The following RNF166 variants were observed in gnomAD, a reference collection of about 807,000 sequenced individuals.
RNF166 encodes the protein E3 ubiquitin-protein ligase RNF166.
A neutral mutation model predicts 29.4 loss-of-function variants in RNF166; 19 were observed. That is an observed-to-expected ratio of 0.65 (90% CI 0.45 to 0.95). RNF166 has a LOEUF of 0.95. Ranked by LOEUF, RNF166 falls within the 40% of genes least tolerant of loss-of-function variation. The pLI, the probability that RNF166 is intolerant of heterozygous loss-of-function variation, is 0.00. For synonymous variants in RNF166, 171 were observed against 134.5 expected, an observed-to-expected ratio of 1.27 and a Z score of -1.88; for missense variants, 347 against 322.1, an observed-to-expected ratio of 1.08 and a Z score of -0.59.
At chr16:88,703,363 C>G in intron 1 of RNF166, 1 of 985,430 alleles carries the variant, frequency 1.0e-6, no homozygotes, top group Non-Finnish European at 1.2e-6. Context: ...CGGCCACGGG[C>G]TGAGGGGAAG....
At chr16:88,700,717 G>C in intron 2 of RNF166, 2 of 987,680 alleles carry the variant, frequency 2.0e-6, no homozygotes, top group Non-Finnish European at 2.4e-6. Context: ...CACGGGGCAC[G>C]GGCCAGGCAC....
chr16:88,702,663 T>TG, intron 1 of RNF166: 1 of 980,872 alleles, frequency 1.0e-6, no homozygotes. Context: ...ACCTGGCTGG[T>TG]GGCTCCCACA....
intron 2 of RNF166, chr16:88,700,617 C>T: frequency 1.1e-5 from 11 of 986,044 alleles, no homozygotes; most frequent in Non-Finnish European, 1.2e-5. Context: ...TGCAAAATCA[C>T]CTCTAGCTGC....
chr16:88,697,427 GC>G lies in RNF166; in HGVS notation c.*140del, dbSNP rs1909737664. ...GCCCGTATTCAGGCCCGGAGGCTCG[GC>G]CCCGGCTCCCCTTCTGCGCGGGTGC... On this transcript the variant is annotated 3_prime_UTR_variant, in exon 6 of 6. Transcript: ENST00000312838. 5 of 627,768 alleles carry G rather than the reference GC, an allele frequency of 8.0e-6. No homozygotes were observed. In the Admixed American group the frequency reaches 8.4e-5, roughly 11 times the overall value. The allele number at this position is 627,768 out of a possible 1,614,324, so 38.9% of individuals were successfully genotyped here.
chr16:88,698,990 C>T lies in RNF166; in HGVS notation c.521G>A (p.Arg174His), dbSNP rs377640480. ...GCTCACCACGCGGTTGGGGTCGCTG[C>T]GGTGGCTTTCCACACAGTGCTTCAC... ...ELVKHCVESH[R>H]SDPNRVVCPI... Residue 174 changes from arginine to histidine, a missense_variant, in exon 4 of 6, where the codon CGC (arginine) becomes CAC (histidine). Coordinates refer to ENST00000312838, the MANE Select transcript of RNF166 (RefSeq NM_178841.4). 3.5e-5 allele frequency: 56 copies of T among 1,601,318 alleles called. No individual in the cohort carries two copies. In the Admixed American group the frequency reaches 4.5e-4, roughly 13 times the overall value.
intron 4 of RNF166, 70 bp downstream of exon 4, chr16:88,698,891 GCGAGCAGGCT>G (rs1178344521): frequency 6.8e-6 from 8 of 1,171,870 alleles, no homozygotes; most frequent in Non-Finnish European, 8.6e-6. Flanking sequence ...CGGACTCGCC[GCGAGCAGGCT>G]CCTGGGCCTT....
intron 1 of RNF166, chr16:88,704,232 A>G (rs993752471): frequency 4.1e-6 from 4 of 985,480 alleles, no homozygotes; most frequent in East Asian, 1.1e-4. Flanking sequence ...ATTTGCATGC[A>G]TGCCTTAGCA....
chr16:88,703,191 G>A (rs1011375025), intron 1 of RNF166: 13 of 980,090 alleles, frequency 1.3e-5, no homozygotes, highest in Non-Finnish European at 1.6e-5. Flanking sequence ...GTGGGTGCCA[G>A]GCGAGGGGGA....
chr16:88,702,109 C>T lies in RNF166; in HGVS notation c.156-691G>A, dbSNP rs192370900. ...AGACTGAGCGTCCCACAGCCCCGTG[C>T]GCACTCCGGGCTCCAGCAGCAGGGG... On this transcript the variant is annotated intron_variant, in intron 1 of 5. Coordinates refer to ENST00000312838, the MANE Select transcript of RNF166 (RefSeq NM_178841.4). Among the ~76,000 whole-genome samples the T allele has an allele frequency of 6.1e-4, 87 of 141,622 alleles. 2 individuals carry two copies. In the East Asian group the frequency reaches 0.014, roughly 23 times the overall value. The allele number at this position is 141,622 out of a possible 152,430, so 92.9% of individuals were successfully genotyped here.
intron 1 of RNF166, among the ~76,000 whole-genome samples, chr16:88,705,487 C>T (rs970337819): frequency 6.6e-6 from 1 of 152,224 alleles, no homozygotes; most frequent in African/African-American, 2.4e-5. Context: ...CACAGCTCCC[C>T]GCCAGGAGAG....
At chr16:88,703,283 G>A (rs1012319735) in intron 1 of RNF166, 51 of 984,796 alleles carry the variant, frequency 5.2e-5, no homozygotes, top group South Asian at 1.9e-4. Flanking sequence ...CACTGGAAAC[G>A]ACTGGATGGT....
chr16:88,699,204 C>T, intron 3 of RNF166, 119 bp from the exon 4 acceptor site: 2 of 771,998 alleles, frequency 2.6e-6, no homozygotes, highest in Middle Eastern at 6.2e-4. Flanking sequence ...AAGAGCGTGG[C>T]AGTGGCTGGG....
chr16:88,699,552 T>C, intron 3 of RNF166, 68 bp downstream of exon 3: 1 of 1,292,176 alleles, frequency 7.7e-7, no homozygotes, highest in East Asian at 2.5e-5. Context: ...GATGGGGCAC[T>C]GCGCTTGCTC....
chr16:88,699,611 C>T lies in RNF166; in HGVS notation c.425+9G>A, dbSNP rs767180760. 31 of 1,598,420 alleles carry T rather than the reference C, an allele frequency of 1.9e-5. No individual in the cohort carries two copies. The highest frequency in any genetic ancestry group is 5.5e-5 in the South Asian group (5 of 90,450). ...ACAGTTCCTCTCCCTTGCCCGGCAG[C>T]GTGCCTACCTGGGGATAGGCTGTGA... On this transcript the variant is annotated intron_variant, in intron 3 of 5. Transcript: ENST00000312838.
At position 88,697,685 on chromosome 16, in the gene RNF166, G is replaced by A. The variant is rs1183008785; in HGVS notation, c.649-52C>T. The A allele has an allele frequency of 9.6e-6, 13 of 1,360,294 alleles. No homozygotes were observed. The South Asian group carries it at 1.2e-4, about 13-fold the overall frequency. 84.3% of individuals were successfully genotyped at this position (1,360,294 alleles called of 1,614,324 possible). A position where few individuals can be genotyped will look rare whatever the true frequency, so the allele number is the denominator to read the frequency against. ...GGGCTCGAGGGAGACAGGAAGGAGA[G>A]GTCCCCTCTGCCCATCACCCACACA... On this transcript the variant is annotated intron_variant, in intron 5 of 5. Transcript: ENST00000312838.
rs370899301 is a variant in RNF166, at chr16:88,697,534, G to A, written c.*34C>T. ...GCGACACAGGAGCGGGGACATCCCT[G>A]ACCCCAGACGCAGGCGGGTGGCTGC... On this transcript the variant is annotated 3_prime_UTR_variant, in exon 6 of 6. Transcript: ENST00000312838. The A allele has an allele frequency of 4.0e-6, 6 of 1,513,852 alleles. No individual in the cohort carries two copies. The highest frequency in any genetic ancestry group is 5.4e-6 in the Non-Finnish European group (6 of 1,116,610). 93.8% of individuals were successfully genotyped at this position (1,513,852 alleles called of 1,614,324 possible).
rs1909936399 is a variant in RNF166 at position 88,699,070 on chromosome 16, C to T, written c.441G>A (p.Arg147=). 7.5e-6 allele frequency: 12 copies of T among 1,609,214 alleles called. No homozygotes were observed. The African/African-American group carries it at 1.2e-4, about 16-fold the overall frequency. ...CACAGTACGGGCAGGCGAAGGTGGA[C>T]CTGTTGGGGATGTTGCTGGCGGGGC... ...SQPIPSNIPN[R]STFACPYCGA... Residue 147 remains arginine, a synonymous_variant, in exon 4 of 6, where the codon AGG becomes AGA. Coordinates refer to ENST00000312838, the MANE Select transcript of RNF166 (RefSeq NM_178841.4).
intron 4 of RNF166, 140 bp from the exon 5 acceptor site, chr16:88,698,749 G>A (rs974033552): frequency 6.3e-5 from 43 of 682,520 alleles, no homozygotes; most frequent in Non-Finnish European, 9.4e-5. Flanking sequence ...CGCGTGTCCC[G>A]GTGACAAGCG....
chr16:88,705,398 T>C (rs1434771622), intron 1 of RNF166, among the ~76,000 whole-genome samples: 2 of 152,240 alleles, frequency 1.3e-5, no homozygotes, highest in Non-Finnish European at 2.9e-5. Flanking sequence ...TCAAGAGCTG[T>C]ATTATTCAGC....
Sources: gnomAD v4.1 joint callset for allele counts (sites outside exome capture counted in the v4.1 genomes callset) on GRCh38, gnomAD v4.1.1 for gene constraint, MANE v1.5 for transcripts, NCBI Gene and HGNC (gene_info 2026-07-23, HGNC 2026-07-21) for gene names.